Variants in ZNF385D observed in about 807,000 individuals in gnomAD.
ZNF385D encodes zinc finger protein 659.
ZNF385D carries 15 observed loss-of-function variants against 35.8 expected under a neutral mutation model. The ratio of observed to expected loss-of-function variants is 0.42; its 90% CI spans 0.28 to 0.64. The LOEUF (loss-of-function observed/expected upper bound fraction) is 0.64. Ranked by LOEUF, ZNF385D falls within the 30% of genes least tolerant of loss-of-function variation. ZNF385D has a pLI of 0.23. For missense variants in ZNF385D, 474 were observed against 494.6 expected (o/e 0.96, Z 0.39); for synonymous variants, 212 against 186.8 (o/e 1.13, Z -1.10).
rs115193962 is a variant in ZNF385D, at chr3:22,306,738, A to G, written c.106+65712T>C. Among the ~76,000 whole-genome samples, 1,397 of 152,272 alleles carry G rather than the reference A, an allele frequency of 9.2e-3. 23 individuals carry two copies. Among genetic ancestry groups the G allele is most frequent in the African/African-American group, 0.03 (1,261 of 41,562 alleles). ...AGAGTTGGAGAGATAAGATTTGCTAATTAGCTGGGTATGGAGTAAGGGAGG... is the reference window on the plus strand; with the variant it reads ...AGAGTTGGAGAGATAAGATTTGCTAGTTAGCTGGGTATGGAGTAAGGGAGG... On this transcript the variant is annotated intron_variant, in intron 2 of 5. Coordinates refer to the ZNF385D transcript ENST00000494108.
intron 1 of ZNF385D, among the ~76,000 whole-genome samples, chr3:21,717,685 A>C (rs1054296557): frequency 1.3e-5 from 2 of 152,128 alleles, no homozygotes; most frequent in African/African-American, 4.8e-5. Flanking sequence ...TGTGGTAGTG[A>C]ATAAGTCTCA....
intron 2 of ZNF385D, among the ~76,000 whole-genome samples, chr3:22,266,529 G>C (rs1281457497): frequency 6.6e-6 from 1 of 151,704 alleles, no homozygotes; most frequent in Non-Finnish European, 1.5e-5. Context: ...AACAATACCT[G>C]GGAAAATTAC....
At chr3:21,496,851 G>C (rs1434508485) in intron 4 of ZNF385D, among the ~76,000 whole-genome samples, 1 of 151,736 alleles carries the variant, frequency 6.6e-6, no homozygotes, top group South Asian at 2.1e-4. Context: ...ATTTAACATC[G>C]CATCTTATAA....
At chr3:21,902,095 T>A (rs1456375898) in intron 3 of ZNF385D, among the ~76,000 whole-genome samples, 1 of 152,176 alleles carries the variant, frequency 6.6e-6, no homozygotes, top group East Asian at 1.9e-4. Flanking sequence ...GAGAATTAGA[T>A]TAAAAGTTTC....
intron 4 of ZNF385D, among the ~76,000 whole-genome samples, chr3:21,485,645 C>A (rs971468189): frequency 2.0e-5 from 3 of 152,010 alleles, no homozygotes; most frequent in Non-Finnish European, 4.4e-5. Context: ...GGATATTCCA[C>A]CTCTGCCTCA....
At chr3:21,508,697 A>G (rs1706970112) in intron 4 of ZNF385D, among the ~76,000 whole-genome samples, 1 of 152,210 alleles carries the variant, frequency 6.6e-6, no homozygotes, top group South Asian at 2.1e-4. Flanking sequence ...TAAGCCTTAT[A>G]TAGAAAGAGG....
At chr3:21,909,561 AG>A (rs1242497688) in intron 3 of ZNF385D, among the ~76,000 whole-genome samples, 1 of 151,478 alleles carries the variant, frequency 6.6e-6, no homozygotes, top group East Asian at 2.0e-4. Context: ...GTTAGTAGAT[AG>A]GCATAAAAAT....
chr3:22,250,172 C>G (rs971091116), intron 2 of ZNF385D, among the ~76,000 whole-genome samples: 4 of 152,096 alleles, frequency 2.6e-5, no homozygotes, highest in Admixed American at 2.0e-4. Context: ...TAGCAAAACA[C>G]AGTGCTATTC....
intron 1 of ZNF385D, among the ~76,000 whole-genome samples, chr3:21,744,731 T>A (rs548048009): frequency 6.6e-6 from 1 of 152,174 alleles, no homozygotes. Context: ...AACACCGGCT[T>A]TACACTGCAG....
At chr3:21,805,505 G>C (rs921168871) in intron 3 of ZNF385D, among the ~76,000 whole-genome samples, 8 of 152,154 alleles carry the variant, frequency 5.3e-5, no homozygotes, top group African/African-American at 1.9e-4. Context: ...CACTTCCCTT[G>C]TGATTTAGGA....
intron 2 of ZNF385D, among the ~76,000 whole-genome samples, chr3:22,313,295 T>C (rs898975717): frequency 1.3e-5 from 2 of 151,394 alleles, no homozygotes; most frequent in African/African-American, 4.9e-5. Context: ...ATATACCTAA[T>C]GCTAAATGAC....
At position 22,063,548 on chromosome 3, in the gene ZNF385D, C is replaced by T. The variant is rs560912600; in HGVS notation, c.325+105269G>A. On this transcript the variant is annotated intron_variant, in intron 3 of 5. Coordinates refer to the ZNF385D transcript ENST00000494108. Reference sequence around the variant, plus strand: ...TAAAGCCTATTAAATTCTCTAAAGTCCCTAACAATAGTTACATTACAAATA... The same window carrying T: ...TAAAGCCTATTAAATTCTCTAAAGTTCCTAACAATAGTTACATTACAAATA... Among the ~76,000 whole-genome samples the T allele has an allele frequency of 2.6e-5, 4 of 152,146 alleles. No homozygotes were observed. In the South Asian group the frequency reaches 8.3e-4, roughly 32 times the overall value.
chr3:21,466,732 C>T (rs1703541795), intron 4 of ZNF385D, among the ~76,000 whole-genome samples: 2 of 152,160 alleles, frequency 1.3e-5, no homozygotes, highest in Admixed American at 1.3e-4. Context: ...AGTTTTATTT[C>T]CTCTGATGCC....
At position 21,890,759 on chromosome 3, in the gene ZNF385D, G is replaced by T. The variant is rs150488878; in HGVS notation, c.326-225731C>A. Among the ~76,000 whole-genome samples, 3 of 152,302 alleles carry T rather than the reference G, an allele frequency of 2.0e-5. No individual in the cohort carries two copies. The East Asian group carries it at 5.8e-4, about 29-fold the overall frequency. ...GCAGCTCAAGTATTCAAGAGAAGCA[G>T]CAGAAGAATTGCTGATGGGAAGGGG... On this transcript the variant is annotated intron_variant, in intron 3 of 5. Transcript: ENST00000494108.
At chr3:21,471,598 T>C (rs1703904201) in intron 4 of ZNF385D, among the ~76,000 whole-genome samples, 1 of 152,072 alleles carries the variant, frequency 6.6e-6, no homozygotes, top group South Asian at 2.1e-4. Flanking sequence ...TCTTTAGTGA[T>C]CAAAAATTCC....
chr3:21,811,206 T>C (rs1455976569), intron 3 of ZNF385D, among the ~76,000 whole-genome samples: 2 of 152,144 alleles, frequency 1.3e-5, no homozygotes, highest in South Asian at 2.1e-4. Context: ...TCTTAGCTTA[T>C]TCTATTAGAA....
chr3:22,022,814 A>T (rs1389079824), intron 3 of ZNF385D, among the ~76,000 whole-genome samples: 1 of 152,182 alleles, frequency 6.6e-6, no homozygotes, highest in Admixed American at 6.6e-5. Context: ...TTCAAATAAC[A>T]TATGCAAAAT....
At chr3:21,661,984 C>A (rs1175797526) in intron 2 of ZNF385D, among the ~76,000 whole-genome samples, 1 of 152,052 alleles carries the variant, frequency 6.6e-6, no homozygotes, top group African/African-American at 2.4e-5. Context: ...CTTTATGTTT[C>A]TGCCAACTCT....
chr3:22,245,308 A>G, intron 2 of ZNF385D, among the ~76,000 whole-genome samples: 1 of 152,044 alleles, frequency 6.6e-6, no homozygotes, highest in East Asian at 1.9e-4. Flanking sequence ...CAGCATTCCT[A>G]CCATATGACA....
Sources: gnomAD v4.1 joint callset for allele counts (sites outside exome capture counted in the v4.1 genomes callset) on GRCh38, gnomAD v4.1.1 for gene constraint, MANE v1.5 for transcripts, NCBI Gene and HGNC (gene_info 2026-07-23, HGNC 2026-07-21) for gene names.